GLYATL1: variants seen among roughly 807,000 people sequenced by gnomAD.
GLYATL1 encodes the protein glycine N-acyltransferase-like protein 1.
In GLYATL1, 15 loss-of-function variants were observed where a neutral mutation model predicts 20.0. The ratio of observed to expected loss-of-function variants is 0.75; its 90% confidence interval spans 0.50 to 1.15. GLYATL1 has a LOEUF of 1.15. Among genes scored for constraint, GLYATL1 ranks in the 50% most tolerant of loss-of-function variants. The pLI is 0.00. For missense variants in GLYATL1, 380 were observed against 368.5 expected (o/e 1.03, Z -0.26); for synonymous variants, 151 against 131.5 (o/e 1.15, Z -1.01).
intron 1 of GLYATL1, among the ~76,000 whole-genome samples, chr11:58,932,176 G>C (rs1330410149): frequency 6.8e-6 from 1 of 147,024 alleles, no homozygotes; most frequent in Non-Finnish European, 1.5e-5. Context: ...AAGGAAAAAG[G>C]GTTCAATTCC....
intron 6 of GLYATL1, 65 bp downstream of exon 6, chr11:58,955,418 A>G (rs749400589): frequency 6.7e-7 from 1 of 1,491,922 alleles, no homozygotes; most frequent in Non-Finnish European, 9.2e-7. Flanking sequence ...ATTCACATAA[A>G]TCAGTTTTGG....
chr11:58,940,944 G>T (rs991650050), intron 1 of GLYATL1, among the ~76,000 whole-genome samples: 1 of 152,174 alleles, frequency 6.6e-6, no homozygotes, highest in African/African-American at 2.4e-5. Context: ...TCCAACCTAG[G>T]TGAAAGAGCG....
chr11:58,930,609 AC>A (rs1855562222), intron 1 of GLYATL1, among the ~76,000 whole-genome samples: 3 of 152,250 alleles, frequency 2.0e-5, no homozygotes, highest in African/African-American at 7.2e-5. Context: ...AAAATGTAAT[AC>A]CCCCCAAATT....
intron 1 of GLYATL1, among the ~76,000 whole-genome samples, chr11:58,918,690 T>C (rs1054500862): frequency 6.6e-6 from 1 of 152,210 alleles, no homozygotes; most frequent in African/African-American, 2.4e-5. Flanking sequence ...AGGAAAGTTA[T>C]TGGGCCTAAA....
At chr11:58,921,658 G>T (rs552049954) in intron 1 of GLYATL1, among the ~76,000 whole-genome samples, 1 of 152,062 alleles carries the variant, frequency 6.6e-6, no homozygotes, top group Non-Finnish European at 1.5e-5. Context: ...TTCCATGACC[G>T]CATCCATGAC....
intron 1 of GLYATL1, among the ~76,000 whole-genome samples, chr11:58,918,278 G>A (rs1229200169): frequency 3.9e-5 from 6 of 152,216 alleles, no homozygotes; most frequent in Non-Finnish European, 7.3e-5. Context: ...AACCTCCTAA[G>A]AGGGAATCTG....
At chr11:58,918,245 A>C (rs1331097518) in intron 1 of GLYATL1, among the ~76,000 whole-genome samples, 1 of 152,214 alleles carries the variant, frequency 6.6e-6, no homozygotes, top group Non-Finnish European at 1.5e-5. Flanking sequence ...TTAATATTTT[A>C]AATCCACCAA....
chr11:58,940,979 A>C (rs1157172918), intron 1 of GLYATL1, among the ~76,000 whole-genome samples: 1 of 152,126 alleles, frequency 6.6e-6, no homozygotes, highest in Non-Finnish European at 1.5e-5. Context: ...AGACAAATAG[A>C]GGCAGAGAAT....
At chr11:58,952,814 T>C (rs1454022535) in intron 4 of GLYATL1, among the ~76,000 whole-genome samples, 1 of 152,214 alleles carries the variant, frequency 6.6e-6, no homozygotes. Flanking sequence ...TGATATTTGA[T>C]TTTCTGTTAC....
intron 2 of GLYATL1, 63 bp from the exon 3 acceptor site, chr11:58,946,983 A>C: frequency 8.3e-7 from 1 of 1,203,282 alleles, no homozygotes; most frequent in Non-Finnish European, 1.2e-6. Context: ...ATGGAGATGT[A>C]TAAAGTGCAT....
chr11:58,914,509 A>T (rs1855123384), intron 1 of GLYATL1, among the ~76,000 whole-genome samples: 1 of 152,150 alleles, frequency 6.6e-6, no homozygotes, highest in Non-Finnish European at 1.5e-5. Context: ...ATGGGTTGGG[A>T]GGAGTGTAGA....
chr11:58,929,096 T>C (rs566508284), intron 1 of GLYATL1, among the ~76,000 whole-genome samples: 4 of 152,230 alleles, frequency 2.6e-5, no homozygotes, highest in Admixed American at 6.5e-5. Flanking sequence ...ATATTTTCCT[T>C]TAATACTTCT....
chr11:58,949,272 G>A (rs1341784892), intron 4 of GLYATL1, among the ~76,000 whole-genome samples: 2 of 152,126 alleles, frequency 1.3e-5, no homozygotes, highest in Non-Finnish European at 2.9e-5. Flanking sequence ...ACCAGGTCAA[G>A]ACTAGTTTGC....
intron 1 of GLYATL1, among the ~76,000 whole-genome samples, chr11:58,915,350 C>T (rs1261790378): frequency 2.0e-5 from 3 of 152,144 alleles, no homozygotes; most frequent in African/African-American, 7.2e-5. Context: ...AGTGAAGGGA[C>T]CTTCAACAGA....
In GLYATL1 at chr11:58,947,230, TTG is replaced by T. The variant is rs370206533; in HGVS notation, c.78+68_78+69del. 62 of 1,559,516 alleles carry T rather than the reference TTG, an allele frequency of 4.0e-5. No homozygotes were observed. In the African/African-American group the frequency reaches 7.4e-4, roughly 19 times the overall value. On this transcript the variant is annotated intron_variant, in intron 3 of 6. Transcript: ENST00000532726. ...TGTTGAGGATGAGAAAATAGCAGGC[TTG>T]TGATTCTAGTCCTTCCTGACTGTTT...
intron 1 of GLYATL1, among the ~76,000 whole-genome samples, chr11:58,941,760 G>A (rs1856174869): frequency 6.6e-6 from 1 of 152,168 alleles, no homozygotes; most frequent in Non-Finnish European, 1.5e-5. Flanking sequence ...GGACCTGACT[G>A]GACAGATGTC....
chr11:58,917,514 G>C (rs1301078822), intron 1 of GLYATL1, among the ~76,000 whole-genome samples: 1 of 152,228 alleles, frequency 6.6e-6, no homozygotes, highest in African/African-American at 2.4e-5. Context: ...AGTTAATCAA[G>C]TTGTGACAGG....
At chr11:58,921,362 C>T (rs924446492) in intron 1 of GLYATL1, among the ~76,000 whole-genome samples, 1 of 152,082 alleles carries the variant, frequency 6.6e-6, no homozygotes, top group African/African-American at 2.4e-5. Flanking sequence ...AGCTGGCCTT[C>T]AACTAGTAAT....
chr11:58,938,283 G>T (rs901022376), upstream of GLYATL1, among the ~76,000 whole-genome samples: 1 of 152,070 alleles, frequency 6.6e-6, no homozygotes. Context: ...TTGAAAGTGG[G>T]GCCATGCCTA....
Sources: allele counts gnomAD v4.1 joint callset (sites outside exome capture counted in the v4.1 genomes callset), GRCh38; gene constraint gnomAD v4.1.1; transcripts MANE v1.5; gene names NCBI Gene and HGNC (gene_info 2026-07-23, HGNC 2026-07-21).